DOCK6: variants seen among roughly 807,000 people sequenced by gnomAD.
DOCK6 encodes the protein dedicator of cytokinesis protein 6.
DOCK6 carries 167 observed loss-of-function variants against 230.3 expected under a neutral mutation model. The ratio of observed to expected loss-of-function variants is 0.73; its 90% CI spans 0.64 to 0.82. The LOEUF (loss-of-function observed/expected upper bound fraction) is 0.82, where lower values mean the gene tolerates loss of function less well. Among genes scored for constraint, DOCK6 ranks in the 40% least tolerant of loss-of-function variants. The pLI is 0.00. For synonymous variants in DOCK6, 1,148 were observed against 1,185.0 expected (o/e 0.97, Z 0.64); for missense variants, 2,598 against 2,825.8 (o/e 0.92, Z 1.83).
intron 37 of DOCK6, among the ~76,000 whole-genome samples, chr19:11,211,000 C>T (rs900044818): frequency 6.6e-6 from 1 of 151,812 alleles, no homozygotes; most frequent in African/African-American, 2.4e-5. Flanking sequence ...CACTCACCTG[C>T]CTGTCCAACC....
Position 11,242,049 on chromosome 19 carries a change from A to G in DOCK6, c.1639T>C (p.Tyr547His). ...GCTGGGCCCCAGAGGCCGTACCTGT[A>G]GCTGGTATGGGGGGCATAGACTTCG... ...AREVYAPHTS[Y>H]RNLLYVYPHS... The change falls in exon 14 of 48, where the codon TAC (tyrosine) becomes CAC (histidine). Residue 547 changes from tyrosine to histidine, a missense_variant. Transcript: ENST00000294618. 1 of 1,568,456 alleles carries G rather than the reference A, an allele frequency of 6.4e-7. No individual in the cohort carries two copies. The highest frequency in any genetic ancestry group is 8.6e-7 in the Non-Finnish European group (1 of 1,166,372).
chr19:11,231,457 C>G (rs541093617), intron 22 of DOCK6, among the ~76,000 whole-genome samples: 2 of 152,108 alleles, frequency 1.3e-5, no homozygotes, highest in African/African-American at 4.8e-5. Context: ...TTGTTTGATC[C>G]GTGTCTATTT....
Position 11,238,117 on chromosome 19 carries a change from TG to T in DOCK6, c.1762-3del. ...GCAGCTGGACTTGCCAAAGATGACC[TG>T]GGAGAGTGGATTCATGAGGGACCCA... On this transcript the variant is annotated splice_region_variant and splice_polypyrimidine_tract_variant and intron_variant, in intron 15 of 47. Transcript: ENST00000294618. 1 of 1,613,952 alleles carries T rather than the reference TG, an allele frequency of 6.2e-7. No individual in the cohort carries two copies. Among genetic ancestry groups the T allele is most frequent in the South Asian group, 1.1e-5 (1 of 91,080 alleles).
Position 11,201,883 on chromosome 19 carries a change from A to G in DOCK6, c.5688+6T>C. On this transcript the variant is annotated splice_donor_region_variant and intron_variant, in intron 44 of 47. Transcript: ENST00000294618. The surrounding 1 kb of genome is among the most constrained non-coding windows in gnomAD (Gnocchi z 4.3). ...CACCCCCGCCAGGCCCAGGATCCCCACCCACCTCCTCCCGGTGGCACACAC... is the reference window on the plus strand; with the variant it reads ...CACCCCCGCCAGGCCCAGGATCCCCGCCCACCTCCTCCCGGTGGCACACAC... 9.2e-7 allele frequency: 1 copy of G among 1,085,790 alleles called. No individual in the cohort carries two copies. The highest frequency in any genetic ancestry group is 1.1e-6 in the Non-Finnish European group (1 of 875,720). The allele number at this position is 1,085,790 out of a possible 1,614,324, so 67.3% of individuals were successfully genotyped here. A position where few individuals can be genotyped will look rare whatever the true frequency, so the allele number is the denominator to read the frequency against.
chr19:11,242,006 C>T lies in DOCK6; in HGVS notation c.1643+39G>A. 3.2e-6 allele frequency: 5 copies of T among 1,544,242 alleles called. No individual in the cohort carries two copies. In the East Asian group the frequency reaches 1.2e-4, roughly 36 times the overall value. ...CCCACCCAGCATGATGTATGAATACCTCCCATTCAAGTGCCCAGCTGGGCC... is the reference window on the plus strand; with the variant it reads ...CCCACCCAGCATGATGTATGAATACTTCCCATTCAAGTGCCCAGCTGGGCC... On this transcript the variant is annotated intron_variant, in intron 14 of 47. Coordinates refer to ENST00000294618, the MANE Select transcript of DOCK6 (RefSeq NM_020812.4).
In DOCK6 at chr19:11,199,568, TG is replaced by T. The variant is rs562011656; in HGVS notation, c.6102-30del. 5.0e-5 allele frequency: 78 copies of T among 1,564,570 alleles called. No homozygotes were observed. The South Asian group carries it at 8.5e-4, about 17-fold the overall frequency. ...GAAAAAGAATGAGGGTGGGTCAGCATGGCCATGGGGCCCCCAACTCCATAGA... is the reference window on the plus strand; with the variant it reads ...GAAAAAGAATGAGGGTGGGTCAGCATGCCATGGGGCCCCCAACTCCATAGA... On this transcript the variant is annotated intron_variant, in intron 47 of 47. Transcript: ENST00000294618.
At chr19:11,225,966 C>G (rs1385833056) in intron 24 of DOCK6, among the ~76,000 whole-genome samples, 1 of 151,908 alleles carries the variant, frequency 6.6e-6, no homozygotes, top group East Asian at 1.9e-4. Context: ...TCCCTTGAGC[C>G]CAGGAGGTCA....
intron 14 of DOCK6, 127 bp from the exon 15 acceptor site, chr19:11,238,431 G>C (rs1225218652): frequency 1.3e-6 from 1 of 782,322 alleles, no homozygotes; most frequent in African/African-American, 1.7e-5. Flanking sequence ...ATGAGGCTGG[G>C]GCATTGAGGG....
At chr19:11,241,904 G>T in intron 14 of DOCK6, 141 bp downstream of exon 14, 1 of 1,281,668 alleles carries the variant, frequency 7.8e-7, no homozygotes, top group Non-Finnish European at 1.1e-6. Flanking sequence ...ACCCTTTCAT[G>T]CCTACACACC....
intron 1 of DOCK6, among the ~76,000 whole-genome samples, chr19:11,261,034 T>C (rs1344576186): frequency 6.6e-6 from 1 of 151,840 alleles, no homozygotes; most frequent in Non-Finnish European, 1.5e-5. Context: ...AACATAAAAA[T>C]TGCCCAGCCA....
At position 11,200,552 on chromosome 19, in the gene DOCK6, G is replaced by A. The variant is rs73506613; in HGVS notation, c.5940-83C>T. ...CTAGGGGTGGGGGCACCCATAAGGC[G>A]GGACCAGGCCTGCAGAAAGACCCGC... is the stretch of plus-strand genomic sequence containing the variant. On this transcript the variant is annotated intron_variant, in intron 46 of 47. Coordinates refer to ENST00000294618, the MANE Select transcript of DOCK6 (RefSeq NM_020812.4). The surrounding 1 kb of genome is among the most constrained non-coding windows in gnomAD (Gnocchi z 4.3). 1,425 of 1,552,272 alleles carry A rather than the reference G, an allele frequency of 9.2e-4. 13 individuals are homozygous for A. In the African/African-American group the frequency reaches 0.016, roughly 17 times the overall value.
chr19:11,245,701 G>A lies in DOCK6; in HGVS notation c.885C>T (p.Asn295=), dbSNP rs146599144. The change falls in exon 9 of 48, where the codon AAC becomes AAT. Residue 295 remains asparagine (N), a synonymous_variant. Transcript: ENST00000294618. ...AGTCCGAGTTCAGGTCGAAGTAGAA[G>A]TTCTCCGAGATCTGGGGACACCAGA... ...DVREKKKISE[N]FYFDLNSDSM... is the part of the protein sequence containing the mutation. 5.3e-3 allele frequency: 8,464 copies of A among 1,604,682 alleles called. 70 individuals carry two copies. Among genetic ancestry groups the A allele is most frequent in the Middle Eastern group, 0.034 (204 of 6,014 alleles).
Position 11,243,335 on chromosome 19 carries a change from C to T in DOCK6, c.1309G>A (p.Ala437Thr). 1 of 1,599,214 alleles carries T rather than the reference C, an allele frequency of 6.3e-7. No individual in the cohort carries two copies. Among genetic ancestry groups the T allele is most frequent in the Non-Finnish European group, 8.5e-7 (1 of 1,173,668 alleles). The stretch of plus-strand genomic sequence containing the variant: ...CTGCAGGCGTCGTCCCCACTACTCG[C>T]CCGGTCCTGGGGCCCCCGACGGCGG... ...DRRRRGPQDR[A>T]SSGDDACSFS... The change falls in exon 12 of 48, where the codon GCG becomes ACG. Residue 437 changes from alanine to threonine, a missense_variant. Ala to Thr is a moderately conservative substitution (Grantham distance 58). Transcript: ENST00000294618. This position sits in a 1 kb window ranked among gnomAD's most constrained non-coding sequence, Gnocchi z 6.3.
rs1294946336 is a variant in DOCK6, at chr19:11,202,446, T to C, written c.5399A>G (p.Glu1800Gly). The change falls in exon 43 of 48, where the codon GAG becomes GGG. Residue 1800 changes from glutamate to glycine, a missense_variant. Coordinates refer to ENST00000294618, the MANE Select transcript of DOCK6 (RefSeq NM_020812.4). The surrounding 1 kb of genome is among the most constrained non-coding windows in gnomAD (Gnocchi z 5.3). ...YTERFGDDVV[E>G]IIKDSNPVDK... is the part of the protein sequence containing the mutation. ...CACAGGGTTAGAGTCTTTGATAATC[T>C]CAACGACGTCGTCGCCAAATCTCTC... 1 of 1,613,450 alleles carries C rather than the reference T, an allele frequency of 6.2e-7. No individual in the cohort carries two copies. The highest frequency in any genetic ancestry group is 8.5e-7 in the Non-Finnish European group (1 of 1,179,676).
Position 11,202,043 on chromosome 19 carries a change from T to C in DOCK6, c.5534A>G (p.Tyr1845Cys). The C allele has an allele frequency of 2.5e-6, 4 of 1,613,972 alleles. No homozygotes were observed. The highest frequency in any genetic ancestry group is 1.6e-4 in the Middle Eastern group (1 of 6,062). Residue 1845 changes from tyrosine (Y) to cysteine (C), a missense_variant, in exon 44 of 48, where the codon TAT (tyrosine) becomes TGT (cysteine). By Grantham distance (194) the Tyr-to-Cys change is radical. Transcript: ENST00000294618. This position sits in a 1 kb window ranked among gnomAD's most constrained non-coding sequence, Gnocchi z 5.3. ...KDRVTYFDRN[Y>C]GLRTFLFCTP... is the part of the protein sequence containing the mutation. ...GCAGAACAGGAATGTGCGAAGCCCA[T>C]AGTTGCGGTCAAAGTAGGTCACCCG...
In DOCK6 at chr19:11,249,137, C is replaced by T. The variant is rs2080079005; in HGVS notation, c.721-986G>A. Among the ~76,000 whole-genome samples the T allele has an allele frequency of 3.3e-5, 5 of 152,166 alleles. No individual in the cohort carries two copies. In the South Asian group the frequency reaches 1.0e-3, roughly 32 times the overall value. On this transcript the variant is annotated intron_variant, in intron 6 of 47. Coordinates refer to ENST00000294618, the MANE Select transcript of DOCK6 (RefSeq NM_020812.4). ...TTGGTTGATTAAATAGAGAACTATA[C>T]AGTAGGCATTCATGTATTGAATAAA...
At chr19:11,209,286 A>G (rs1600857077) in intron 37 of DOCK6, among the ~76,000 whole-genome samples, 183 bp from the exon 38 acceptor site, 1 of 135,730 alleles carries the variant, frequency 7.4e-6, no homozygotes, top group South Asian at 2.4e-4. Context: ...CTATCTCCCC[A>G]CCTGTCTTCC....
At chr19:11,233,107 C>T in intron 22 of DOCK6, 96 bp downstream of exon 22, 1 of 1,484,630 alleles carries the variant, frequency 6.7e-7, no homozygotes, top group Non-Finnish European at 9.1e-7. Context: ...GTTGTCGTCT[C>T]TGTTGTTTCC....
intron 30 of DOCK6, chr19:11,216,140 G>A (rs2079483460): frequency 2.3e-6 from 1 of 427,422 alleles, no homozygotes; most frequent in East Asian, 4.7e-5. Flanking sequence ...CGCCCAGGGT[G>A]AAGAGCAGTG....
Sources: gnomAD v4.1 joint callset for allele counts (sites outside exome capture counted in the v4.1 genomes callset) on GRCh38, gnomAD v4.1.1 for gene constraint, Gnocchi (gnomAD v3.1) non-coding constraint, MANE v1.5 for transcripts, NCBI Gene and HGNC (gene_info 2026-07-23, HGNC 2026-07-21) for gene names.